Variants in SLC4A8 observed in about 807,000 individuals in gnomAD.
SLC4A8 encodes solute carrier family 4 member 8.
Under a neutral mutation model 125.0 loss-of-function variants are expected in SLC4A8, and 40 were observed. The ratio of observed to expected loss-of-function variants is 0.32; its 90% CI spans 0.25 to 0.42. SLC4A8 has a LOEUF of 0.42. Among genes scored for constraint, SLC4A8 ranks in the 10% least tolerant of loss-of-function variants. The pLI, the probability that SLC4A8 is intolerant of heterozygous loss-of-function variation, is 1.00. For synonymous variants in SLC4A8, 456 were observed against 476.0 expected, an observed-to-expected ratio of 0.96 and a Z score of 0.55; for missense variants, 863 against 1,355.1, an observed-to-expected ratio of 0.64 and a Z score of 5.70.
chr12:51,433,884 G>GTTTTTTTTTTTTTTTTTTTTT (rs1565772495), intron 1 of SLC4A8, among the ~76,000 whole-genome samples: 5 of 72,204 alleles, frequency 6.9e-5, no homozygotes, highest in African/African-American at 5.5e-5. Flanking sequence ...TTTTTGGTTG[G>GTTTTTTTTTTTTTTTTTTTTT]TTTTTTTTTG....
At chr12:51,451,064 G>GGAAT in intron 3 of SLC4A8, 42 bp downstream of exon 3, 1 of 1,406,004 alleles carries the variant, frequency 7.1e-7, no homozygotes, top group Non-Finnish European at 9.3e-7. Context: ...ATGGCCCAGG[G>GGAAT]GAATGGGGAG....
At chr12:51,391,549 G>A (rs1255040910) in intron 1 of SLC4A8, 1 of 152,786 alleles carries the variant, frequency 6.5e-6, no homozygotes, top group Non-Finnish European at 1.5e-5. Context: ...CAGTCGGGGA[G>A]CTCAGGGGGG....
intron 1 of SLC4A8, among the ~76,000 whole-genome samples, chr12:51,434,604 T>C (rs1009690938): frequency 6.6e-6 from 1 of 152,092 alleles, no homozygotes; most frequent in Non-Finnish European, 1.5e-5. Context: ...AGCAAGAAAG[T>C]TTTTCAACCT....
At position 51,451,001 on chromosome 12, in the gene SLC4A8, G is replaced by A; in HGVS notation, c.256G>A (p.Gly86Ser). Residue 86 changes from glycine to serine, a missense_variant, in exon 3 of 25, where the codon GGC becomes AGC. This residue lies in a region of SLC4A8 where 390 missense variants were observed against 634.4 expected (regional missense o/e 0.61). Coordinates refer to ENST00000453097, the MANE Select transcript of SLC4A8 (RefSeq NM_001039960.3). The stretch of plus-strand genomic sequence containing the variant: ...CAAAGGAGCCAGCCAGGGGGAGGAA[G>A]GCCTGGAAGCCCTGGCCCACGGTAA... ...RGKGASQGEE[G>S]LEALAHDTPS... 2 of 1,544,330 alleles carry A rather than the reference G, an allele frequency of 1.3e-6. No individual in the cohort carries two copies. Among genetic ancestry groups the A allele is most frequent in the Non-Finnish European group, 1.7e-6 (2 of 1,143,064 alleles).
chr12:51,397,663 T>A (rs960545309), intron 1 of SLC4A8, among the ~76,000 whole-genome samples: 1 of 152,234 alleles, frequency 6.6e-6, no homozygotes, highest in Non-Finnish European at 1.5e-5. Flanking sequence ...TGATATAGTC[T>A]GCTCTTTTTC....
rs756981555 is a variant in SLC4A8 at position 51,463,659 on chromosome 12, A to G, written c.1294A>G (p.Ile432Val). 1 of 1,614,186 alleles carries G rather than the reference A, an allele frequency of 6.2e-7. No individual in the cohort carries two copies. The highest frequency in any genetic ancestry group is 2.2e-5 in the East Asian group (1 of 44,884). Reference protein sequence around the residue: ...PGVPNGNVCHIEQEPHGGHSG... With the variant: ...PGVPNGNVCHVEQEPHGGHSG... ...AGTTCCAAATGGAAATGTTTGCCAC[A>G]TAGAACAGGAACCACATGGGGGTCA... Residue 432 changes from isoleucine (I) to valine (V), a missense_variant, in exon 11 of 25, where the codon ATA becomes GTA. This residue lies in a region of SLC4A8 where 390 missense variants were observed against 634.4 expected (regional missense o/e 0.61). Coordinates refer to ENST00000453097, the MANE Select transcript of SLC4A8 (RefSeq NM_001039960.3).
intron 1 of SLC4A8, among the ~76,000 whole-genome samples, chr12:51,408,631 G>T (rs1206533444): frequency 6.6e-6 from 1 of 152,190 alleles, no homozygotes; most frequent in South Asian, 2.1e-4. Context: ...GGGCGACAGC[G>T]CAGGAGCATG....
At chr12:51,435,694 A>G (rs1003844446) in intron 1 of SLC4A8, among the ~76,000 whole-genome samples, 1 of 152,232 alleles carries the variant, frequency 6.6e-6, no homozygotes. Flanking sequence ...TGACATGGTC[A>G]ATCTGTTGTA....
At chr12:51,506,695 A>C (rs1415272574) in intron 24 of SLC4A8, among the ~76,000 whole-genome samples, 2 of 152,208 alleles carry the variant, frequency 1.3e-5, no homozygotes, top group African/African-American at 4.8e-5. Flanking sequence ...TGGCCTCCCA[A>C]AGTGCTGGGA....
rs372657283 is a variant in SLC4A8 at position 51,478,583 on chromosome 12, T to TCTGTAA, written c.2172+3378_2172+3383dup. ...GTGATGAAAAGTAGAATGATAACAT[T>TCTGTAA]CTGTAATTTTCCTACTGCTCTGCAC... On this transcript the variant is annotated intron_variant, in intron 16 of 24. Transcript: ENST00000453097. Among the ~76,000 whole-genome samples, 598 of 152,330 alleles carry TCTGTAA rather than the reference T, an allele frequency of 3.9e-3. 2 individuals carry two copies. Among genetic ancestry groups the TCTGTAA allele is most frequent in the African/African-American group, 0.013 (552 of 41,578 alleles).
intron 10 of SLC4A8, 24 bp downstream of exon 10, chr12:51,462,480 G>A (rs777224056): frequency 1.3e-6 from 2 of 1,531,396 alleles, no homozygotes; most frequent in South Asian, 1.3e-5. Flanking sequence ...ATCAGCCAAT[G>A]TGGCTATTGT....
intron 1 of SLC4A8, among the ~76,000 whole-genome samples, chr12:51,429,637 G>C (rs1043728502): frequency 1.3e-5 from 2 of 151,922 alleles, no homozygotes; most frequent in Admixed American, 6.6e-5. Flanking sequence ...CTAGTAGCTG[G>C]AACTACAGAC....
At chr12:51,422,658 C>T (rs1275118418), upstream of SLC4A8, among the ~76,000 whole-genome samples, 4 of 152,358 alleles carry the variant, frequency 2.6e-5, no homozygotes, top group South Asian at 4.1e-4. Flanking sequence ...CCATGCCCAG[C>T]CCACAGCCTT....
intron 24 of SLC4A8, among the ~76,000 whole-genome samples, chr12:51,506,772 C>A (rs1464124433): frequency 1.3e-5 from 2 of 152,198 alleles, no homozygotes; most frequent in Non-Finnish European, 2.9e-5. Context: ...TACCGTATAT[C>A]ATTTACTAAT....
At chr12:51,474,299 T>C in intron 14 of SLC4A8, 43 bp from the exon 15 acceptor site, 1 of 1,264,816 alleles carries the variant, frequency 7.9e-7, no homozygotes. Flanking sequence ...TAACTGAGTA[T>C]TTGGCTGTTT....
chr12:51,498,889 A>AAG (rs1285994129), intron 22 of SLC4A8, among the ~76,000 whole-genome samples: 1 of 138,318 alleles, frequency 7.2e-6, no homozygotes, highest in East Asian at 2.2e-4. Flanking sequence ...CAAAAAAAAA[A>AAG]AAAAAAAAAA....
intron 17 of SLC4A8, among the ~76,000 whole-genome samples, chr12:51,487,338 G>A (rs114593090): frequency 0.013 from 1,914 of 152,264 alleles, 44 homozygotes; most frequent in African/African-American, 0.044. Flanking sequence ...ATAAGTTTTT[G>A]TGTTGGTCTG....
At position 51,472,402 on chromosome 12, in the gene SLC4A8, C is replaced by T. The variant is rs1428354157; in HGVS notation, c.1904+870C>T. Among the ~76,000 whole-genome samples, 3 of 152,298 alleles carry T rather than the reference C, an allele frequency of 2.0e-5. No individual in the cohort carries two copies. The East Asian group carries it at 5.8e-4, about 29-fold the overall frequency. On this transcript the variant is annotated intron_variant, in intron 14 of 24. Coordinates refer to ENST00000453097, the MANE Select transcript of SLC4A8 (RefSeq NM_001039960.3). ...CTTTCATCTATTCTAGTTATTCACT[C>T]ATTAACCTTTTAAAAATCAGAATTA...
At chr12:51,414,554 C>T (rs184558289) in intron 1 of SLC4A8, among the ~76,000 whole-genome samples, 140 of 152,200 alleles carry the variant, frequency 9.2e-4, no homozygotes, top group African/African-American at 3.2e-3. Flanking sequence ...AGTTTGAGAC[C>T]AGCCTGGGCA....
Sources: gnomAD v4.1 joint callset for allele counts (sites outside exome capture counted in the v4.1 genomes callset) on GRCh38, gnomAD v4.1.1 for gene constraint, gnomAD v4.1.1 regional missense constraint, MANE v1.5 for transcripts, NCBI Gene and HGNC (gene_info 2026-07-23, HGNC 2026-07-21) for gene names.